TTC7A: variants seen among roughly 807,000 people sequenced by gnomAD.
TTC7A encodes tetratricopeptide repeat domain 7A.
Under a neutral mutation model 103.7 loss-of-function variants are expected in TTC7A, and 110 were observed. That is an observed-to-expected ratio of 1.06 (90% CI 0.91 to 1.24). TTC7A has a LOEUF of 1.24. TTC7A is among the 50% of genes most tolerant of loss of function. TTC7A has a pLI of 0.00. For missense variants in TTC7A, 1,340 were observed against 1,116.3 expected (o/e 1.20, Z -2.86); for synonymous variants, 521 against 467.9 (o/e 1.11, Z -1.47).
intron 14 of TTC7A, among the ~76,000 whole-genome samples, chr2:47,028,649 G>T (rs1479940644): frequency 6.6e-6 from 1 of 152,180 alleles, no homozygotes; most frequent in African/African-American, 2.4e-5. Context: ...TCCTGACCCT[G>T]CATAATCTGG....
At chr2:46,927,655 C>A (rs116316838) in intron 2 of TTC7A, among the ~76,000 whole-genome samples, 2,073 of 150,918 alleles carry the variant, frequency 0.014, 45 homozygotes, top group African/African-American at 0.048. Context: ...CTACCGCGCC[C>A]GGCAAAAAAA....
chr2:46,987,300 C>A (rs1428945023), intron 5 of TTC7A, among the ~76,000 whole-genome samples: 1 of 152,170 alleles, frequency 6.6e-6, no homozygotes, highest in African/African-American at 2.4e-5. Flanking sequence ...GCTGCTGGGG[C>A]CAGGGTCCAG....
chr2:46,958,904 G>T (rs992988385), intron 3 of TTC7A, among the ~76,000 whole-genome samples: 2 of 152,174 alleles, frequency 1.3e-5, no homozygotes, highest in East Asian at 3.9e-4. Flanking sequence ...GGCAGCAGGG[G>T]CCACAGAGTT....
At chr2:46,917,892 T>C (rs1558470109) in intron 2 of TTC7A, among the ~76,000 whole-genome samples, 1 of 152,240 alleles carries the variant, frequency 6.6e-6, no homozygotes. Context: ...CCTCACTCAT[T>C]ATCCTTTCTT....
chr2:47,034,146 G>A (rs949512285), intron 15 of TTC7A: 1 of 152,212 alleles, frequency 6.6e-6, no homozygotes, highest in Non-Finnish European at 1.5e-5. Flanking sequence ...AGCCCCACAG[G>A]GACAGCATAA....
chr2:46,941,282 C>T lies in TTC7A; in HGVS notation c.-260C>T, dbSNP rs1311427584. ...GCGCCAGGAGCTGCTACAGCAGAGG[C>T]GGAGGTTGCTCCTGTACGCGTACGG... On this transcript the variant is annotated 5_prime_UTR_variant, in exon 1 of 20. Transcript: ENST00000319190. This position sits in a 1 kb window ranked among gnomAD's most constrained non-coding sequence, Gnocchi z 4.2. 1 of 167,056 alleles carries T rather than the reference C, an allele frequency of 6.0e-6. No homozygotes were observed. The highest frequency in any genetic ancestry group is 1.3e-5 in the Non-Finnish European group (1 of 79,250). The allele number at this position is 167,056 out of a possible 1,614,324, so 10.3% of individuals were successfully genotyped here.
chr2:47,074,395 G>GAGTT lies in TTC7A; in HGVS notation c.*476_*479dup, dbSNP rs1685054342. On this transcript the variant is annotated 3_prime_UTR_variant, in exon 20 of 20. Coordinates refer to ENST00000319190, the MANE Select transcript of TTC7A (RefSeq NM_020458.4). The stretch of plus-strand genomic sequence containing the variant: ...TTTCTGGGTTCCCTTCTCAGACTTG[G>GAGTT]AGTTAGTAGATGATTCCTGCATTGC... The GAGTT allele has an allele frequency of 6.3e-6, 1 of 159,982 alleles. No homozygotes were observed. The highest frequency in any genetic ancestry group is 6.0e-5 in the Admixed American group (1 of 16,544). The allele number at this position is 159,982 out of a possible 1,614,324, so 9.9% of individuals were successfully genotyped here.
At chr2:46,965,739 T>C (rs1396477029) in intron 3 of TTC7A, among the ~76,000 whole-genome samples, 1 of 152,022 alleles carries the variant, frequency 6.6e-6, no homozygotes, top group Admixed American at 6.6e-5. Flanking sequence ...TTTTTTGTAT[T>C]TTCAGTAGAG....
Position 47,068,862 on chromosome 2 carries a change from CAAAAAAAAAA to C in TTC7A, c.2356-4824_2356-4815del, listed in dbSNP as rs201835431. 7.2e-4 allele frequency among the ~76,000 whole-genome samples: 50 copies of C among 69,800 alleles called. 1 individual carries two copies. Among genetic ancestry groups the C allele is most frequent in the African/African-American group, 1.7e-3 (45 of 27,066 alleles). The allele number at this position is 69,800 out of a possible 152,430, so 45.8% of individuals were successfully genotyped here. On this transcript the variant is annotated intron_variant, in intron 19 of 19. Coordinates refer to ENST00000319190, the MANE Select transcript of TTC7A (RefSeq NM_020458.4). ...AATTAAGCTCCAGAATCAATTTTTT[CAAAAAAAAAA>C]AAAAAAAAAAAAAAAGAAAGACTCA...
chr2:46,961,824 G>A (rs1027338181), intron 3 of TTC7A, among the ~76,000 whole-genome samples: 1 of 152,004 alleles, frequency 6.6e-6, no homozygotes, highest in African/African-American at 2.4e-5. Flanking sequence ...CTGGAGAATC[G>A]CTTGAACCTG....
upstream of TTC7A, chr2:46,916,025 C>G (rs1668766454): frequency 1.0e-6 from 1 of 985,346 alleles, no homozygotes; most frequent in African/African-American, 1.7e-5. Flanking sequence ...AGTTGGGCCG[C>G]TGGACGCCCT....
intron 3 of TTC7A, among the ~76,000 whole-genome samples, chr2:46,967,529 C>T (rs1490018734): frequency 6.6e-6 from 1 of 152,164 alleles, no homozygotes; most frequent in Non-Finnish European, 1.5e-5. Flanking sequence ...GTGTCTGGCT[C>T]ATTTCACTTA....
intron 5 of TTC7A, among the ~76,000 whole-genome samples, chr2:46,980,677 G>A (rs986749683): frequency 1.3e-5 from 2 of 152,194 alleles, no homozygotes; most frequent in Non-Finnish European, 2.9e-5. Context: ...CAGGGGAAAT[G>A]GAAGGAGTCT....
chr2:46,959,639 C>G (rs1672202619), intron 3 of TTC7A, among the ~76,000 whole-genome samples: 1 of 152,166 alleles, frequency 6.6e-6, no homozygotes, highest in African/African-American at 2.4e-5. Context: ...TTCCCCTCAC[C>G]CTCTTTCCCC....
In TTC7A at chr2:46,950,533, C is replaced by A. The variant is rs553269542; in HGVS notation, c.348+7C>A. The A allele has an allele frequency of 1.2e-6, 2 of 1,613,554 alleles. No individual in the cohort carries two copies. The highest frequency in any genetic ancestry group is 1.1e-5 in the South Asian group (1 of 91,000). On this transcript the variant is annotated splice_region_variant and intron_variant, in intron 2 of 19. Coordinates refer to ENST00000319190, the MANE Select transcript of TTC7A (RefSeq NM_020458.4). Reference sequence around the variant, plus strand: ...TAACCATGGGAGGCTCTCGGTAAGTCGTCAGCCTTCAAGCCTGAGACCTCC... The same window carrying A: ...TAACCATGGGAGGCTCTCGGTAAGTAGTCAGCCTTCAAGCCTGAGACCTCC...
intron 15 of TTC7A, among the ~76,000 whole-genome samples, chr2:47,035,891 G>A (rs1240438785): frequency 6.6e-6 from 1 of 152,160 alleles, no homozygotes; most frequent in Non-Finnish European, 1.5e-5. Flanking sequence ...AGATCTTCAG[G>A]TCCCTGGGGG....
chr2:47,025,074 C>G (rs1324154938), intron 14 of TTC7A, among the ~76,000 whole-genome samples: 1 of 152,254 alleles, frequency 6.6e-6, no homozygotes, highest in Non-Finnish European at 1.5e-5. Context: ...ACCTGACTGC[C>G]TGGGGATTGC....
intron 16 of TTC7A, chr2:47,047,294 A>T: frequency 6.5e-7 from 1 of 1,549,774 alleles, no homozygotes; most frequent in Non-Finnish European, 8.7e-7. Flanking sequence ...AGGCTTCCAG[A>T]CTCCCCAGAG....
intron 18 of TTC7A, among the ~76,000 whole-genome samples, chr2:47,052,191 G>T (rs1682915290): frequency 6.6e-6 from 1 of 152,232 alleles, no homozygotes; most frequent in South Asian, 2.1e-4. Context: ...GCTCAGAGAG[G>T]GGAGGTGTGG....
Sources: gnomAD v4.1 joint callset for allele counts (sites outside exome capture counted in the v4.1 genomes callset) on GRCh38, gnomAD v4.1.1 for gene constraint, Gnocchi (gnomAD v3.1) non-coding constraint, MANE v1.5 for transcripts, NCBI Gene and HGNC (gene_info 2026-07-23, HGNC 2026-07-21) for gene names.